Variants in RPS6KC1 observed in about 807,000 individuals in gnomAD.
The protein encoded by RPS6KC1 is ribosomal protein S6 kinase C1.
RPS6KC1 carries 54 observed loss-of-function variants against 103.8 expected under a neutral mutation model. The ratio of observed to expected loss-of-function variants is 0.52; its 90% confidence interval spans 0.42 to 0.65. The LOEUF is 0.65. RPS6KC1 is among the 30% of genes least tolerant of loss of function. RPS6KC1 has a pLI of 0.00. For missense variants in RPS6KC1, 1,151 were observed against 1,253.8 expected, an observed-to-expected ratio of 0.92 and a Z score of 1.24; for synonymous variants, 439 against 438.7, an observed-to-expected ratio of 1.00 and a Z score of -0.01.
At chr1:213,636,065 T>C in the RPS6KC1 span, among the ~76,000 whole-genome samples, 1 of 152,080 alleles carries the variant, frequency 6.6e-6, no homozygotes, top group Non-Finnish European at 1.5e-5. Context: ...TTACAAGGGG[T>C]GTGAAGTACC....
the RPS6KC1 span, among the ~76,000 whole-genome samples, chr1:213,537,350 G>A: frequency 6.6e-6 from 1 of 152,120 alleles, no homozygotes; most frequent in African/African-American, 2.4e-5. Flanking sequence ...CGTTTACCCT[G>A]CAGCTGGTTT....
At chr1:213,523,552 A>G in the RPS6KC1 span, among the ~76,000 whole-genome samples, 3 of 152,240 alleles carry the variant, frequency 2.0e-5, no homozygotes, top group African/African-American at 7.2e-5. Context: ...TAAATCAGGT[A>G]ATACACAGAA....
rs138118871 is a variant in RPS6KC1 at position 213,215,924 on chromosome 1, A to G, written c.1045-14573A>G. Among the ~76,000 whole-genome samples, 156 of 152,366 alleles carry G rather than the reference A, an allele frequency of 1.0e-3. No homozygotes were observed. The Middle Eastern group carries it at 0.014, about 13-fold the overall frequency. On this transcript the variant is annotated intron_variant, in intron 8 of 14. Transcript: ENST00000366960. ...AACCAGTACCAGCCACTGCAAAAAC[A>G]TGCCAAATTGTGAAGACCATTGAGG...
At chr1:213,860,709 G>A in the RPS6KC1 span, among the ~76,000 whole-genome samples, 840 of 152,312 alleles carry the variant, frequency 5.5e-3, 9 homozygotes, top group African/African-American at 0.02. Flanking sequence ...AGTGCAAGGT[G>A]CCTGAGAACA....
At chr1:213,350,783 C>T in the RPS6KC1 span, among the ~76,000 whole-genome samples, 2 of 151,656 alleles carry the variant, frequency 1.3e-5, no homozygotes, top group East Asian at 3.9e-4. Flanking sequence ...TACTGTATTG[C>T]CTTTTAGTTT....
chr1:213,611,350 C>T, the RPS6KC1 span, among the ~76,000 whole-genome samples: 5 of 152,088 alleles, frequency 3.3e-5, no homozygotes, highest in African/African-American at 1.2e-4. Context: ...TTTTTCTCGG[C>T]TCACCCATGC....
At chr1:213,523,119 C>T in the RPS6KC1 span, among the ~76,000 whole-genome samples, 1 of 152,102 alleles carries the variant, frequency 6.6e-6, no homozygotes, top group African/African-American at 2.4e-5. Flanking sequence ...ATTAATTGGC[C>T]TAATTTCAAT....
At chr1:213,501,570 C>T in the RPS6KC1 span, among the ~76,000 whole-genome samples, 1 of 151,944 alleles carries the variant, frequency 6.6e-6, no homozygotes, top group Non-Finnish European at 1.5e-5. Context: ...GAAACCCCAT[C>T]TCTACTAAAA....
intron 8 of RPS6KC1, among the ~76,000 whole-genome samples, chr1:213,205,821 G>A (rs907969737): frequency 4.6e-5 from 7 of 151,404 alleles, no homozygotes; most frequent in Admixed American, 1.3e-4. Context: ...TCTCTTATTC[G>A]AAATGCTTGG....
chr1:213,375,294 T>C, the RPS6KC1 span, among the ~76,000 whole-genome samples: 1 of 151,534 alleles, frequency 6.6e-6, no homozygotes, highest in Non-Finnish European at 1.5e-5. Flanking sequence ...CACACATACA[T>C]ACACACATAC....
At chr1:213,205,471 G>C in intron 8 of RPS6KC1, 2 of 626,704 alleles carry the variant, frequency 3.2e-6, no homozygotes, top group Non-Finnish European at 3.9e-6. Context: ...GAACGACCAA[G>C]AACCTAAGGA....
chr1:213,701,348 A>G, the RPS6KC1 span, among the ~76,000 whole-genome samples: 1 of 152,122 alleles, frequency 6.6e-6, no homozygotes, highest in African/African-American at 2.4e-5. Context: ...GATATGATGC[A>G]TCACATTGAT....
the RPS6KC1 span, among the ~76,000 whole-genome samples, chr1:213,497,564 G>A: frequency 6.6e-6 from 1 of 152,252 alleles, no homozygotes; most frequent in East Asian, 1.9e-4. Flanking sequence ...CACATTGGAT[G>A]CAACCAAAGC....
chr1:213,298,923 A>C, the RPS6KC1 span, among the ~76,000 whole-genome samples: 1 of 152,184 alleles, frequency 6.6e-6, no homozygotes, highest in Non-Finnish European at 1.5e-5. Context: ...TTGTTCATGA[A>C]CTTTCAACCT....
At chr1:213,783,524 A>T in the RPS6KC1 span, among the ~76,000 whole-genome samples, 1 of 152,106 alleles carries the variant, frequency 6.6e-6, no homozygotes, top group South Asian at 2.1e-4. Context: ...TCCTTGCTTT[A>T]ATATTATGAT....
At chr1:213,786,734 G>A in the RPS6KC1 span, among the ~76,000 whole-genome samples, 13 of 152,238 alleles carry the variant, frequency 8.5e-5, no homozygotes, top group African/African-American at 2.6e-4. Flanking sequence ...CTTTTCTGGC[G>A]GGATTTTAGG....
chr1:213,604,075 G>C, the RPS6KC1 span, among the ~76,000 whole-genome samples: 2 of 151,982 alleles, frequency 1.3e-5, no homozygotes, highest in South Asian at 2.1e-4. Flanking sequence ...AGGCAATACT[G>C]TTCTTTTTTA....
the RPS6KC1 span, among the ~76,000 whole-genome samples, chr1:213,506,580 CA>C: frequency 6.6e-6 from 1 of 152,168 alleles, no homozygotes; most frequent in African/African-American, 2.4e-5. Flanking sequence ...ATGACTTGTG[CA>C]TGTGAGTCAC....
chr1:213,217,561 CACA>C (rs2093699885), intron 8 of RPS6KC1, among the ~76,000 whole-genome samples: 1 of 152,250 alleles, frequency 6.6e-6, no homozygotes, highest in African/African-American at 2.4e-5. Context: ...CTGACAGAGA[CACA>C]ACAACAAAAG....
Sources: gnomAD v4.1 joint callset for allele counts (sites outside exome capture counted in the v4.1 genomes callset) on GRCh38, gnomAD v4.1.1 for gene constraint, MANE v1.5 for transcripts, NCBI Gene and HGNC (gene_info 2026-07-23, HGNC 2026-07-21) for gene names.